The following VSX1 variants were observed in gnomAD, a reference collection of about 807,000 sequenced individuals.
VSX1 encodes the protein homeodomain protein RINX.
In VSX1, 23 loss-of-function variants were observed where a neutral mutation model predicts 23.6. The observed-to-expected ratio is 0.97, with a 90% confidence interval of 0.70 to 1.38. VSX1 has a LOEUF of 1.38. Among genes scored for constraint, VSX1 ranks in the 40% most tolerant of loss-of-function variants. The pLI, the probability that VSX1 is intolerant of heterozygous loss-of-function variation, is 0.00. For synonymous variants in VSX1, 247 were observed against 215.1 expected (o/e 1.15, Z -1.30); for missense variants, 517 against 495.4 (o/e 1.04, Z -0.41).
chr20:25,077,469 C>T (rs2089524205), intron 4 of VSX1, among the ~76,000 whole-genome samples: 1 of 152,228 alleles, frequency 6.6e-6, no homozygotes, highest in East Asian at 1.9e-4. Context: ...GGTGAGACTT[C>T]CACACAGCCT....
chr20:25,077,694 A>C lies in VSX1; in HGVS notation c.799T>G (p.Trp267Gly). 1 of 1,548,500 alleles carries C rather than the reference A, an allele frequency of 6.5e-7. No individual in the cohort carries two copies. Among genetic ancestry groups the C allele is most frequent in the African/African-American group, 1.4e-5 (1 of 73,098 alleles). Reference sequence around the variant, plus strand: ...GGGGGCCCTTCCTTACCCAGGAGCCAGGGCGCGCAGGAGCCCAGCAGGCCG... The same window carrying C: ...GGGGGCCCTTCCTTACCCAGGAGCCCGGGCGCGCAGGAGCCCAGCAGGCCG... Reference protein sequence around the residue: ...EGGLLGSCAPWLLGMHKKSMG... With the variant: ...EGGLLGSCAPGLLGMHKKSMG... The change falls in exon 4 of 5, where the codon TGG becomes GGG. Residue 267 changes from tryptophan (W) to glycine (G), a missense_variant. Trp to Gly is a radical substitution (Grantham distance 184). Coordinates refer to ENST00000376709, the MANE Select transcript of VSX1 (RefSeq NM_014588.6).
Position 25,081,477 on chromosome 20 carries a change from C to G in VSX1, c.424+196G>C, listed in dbSNP as rs745914823. 5.7e-6 allele frequency: 5 copies of G among 878,288 alleles called. No homozygotes were observed. In the East Asian group the frequency reaches 1.2e-4, roughly 21 times the overall value. The allele number at this position is 878,288 out of a possible 1,614,324, so 54.4% of individuals were successfully genotyped here. ...AGGGAACAGGACCCCGGATGAGAGG[C>G]AGGGATTTAGGATGCAGCAAGGGGC... On this transcript the variant is annotated intron_variant, in intron 1 of 4. Coordinates refer to ENST00000376709, the MANE Select transcript of VSX1 (RefSeq NM_014588.6).
At chr20:25,079,225 A>C (rs528011921) in intron 2 of VSX1, among the ~76,000 whole-genome samples, 2 of 152,148 alleles carry the variant, frequency 1.3e-5, no homozygotes, top group African/African-American at 4.8e-5. Flanking sequence ...AAATGCTCCC[A>C]AAAAAATGCT....
chr20:25,077,753 G>A lies in VSX1; in HGVS notation c.740C>T (p.Pro247Leu), dbSNP rs576300014. 2.6e-6 allele frequency: 4 copies of A among 1,550,650 alleles called. No homozygotes were observed. In the South Asian group the frequency reaches 4.8e-5, roughly 18 times the overall value. ...LYGAMVRHCI[P>L]LPDSVLNSAE... ...GGAGTTGAGCACGGAGTCTGGCAGC[G>A]GGATGCAGTGGCGCACCATGGCCCC... Residue 247 changes from proline to leucine, a missense_variant, in exon 4 of 5, where the codon CCG (proline) becomes CTG (leucine). Coordinates refer to ENST00000376709, the MANE Select transcript of VSX1 (RefSeq NM_014588.6).
Position 25,081,683 on chromosome 20 carries a change from GA to G in VSX1, c.413del (p.Val138AlafsTer16). 4.0e-6 allele frequency: 6 copies of G among 1,517,396 alleles called. No homozygotes were observed. The highest frequency in any genetic ancestry group is 5.3e-6 in the Non-Finnish European group (6 of 1,139,538). The allele number at this position is 1,517,396 out of a possible 1,614,324, so 94.0% of individuals were successfully genotyped here. A position where few individuals can be genotyped will look rare whatever the true frequency, so the allele number is the denominator to read the frequency against. ...CGCGGGCCTGATTACCGGACGTGGA[GA>G]CGCTGTCGCTGCGCTTCTGGCGGCC... Reference protein sequence around the residue: ...ALGRQKRSDSVSTSDEDSQSE... With the variant: ...ALGRQKRSDSXSTSDEDSQSE... On this transcript the variant is annotated frameshift_variant, in exon 1 of 5. Transcript: ENST00000376709. LOFTEE classifies it high-confidence loss of function.
rs559185959 is a variant in VSX1, at chr20:25,077,668, C to T, written c.808+17G>A. The T allele has an allele frequency of 1.1e-4, 163 of 1,544,280 alleles. No individual in the cohort carries two copies. In the Middle Eastern group the frequency reaches 3.3e-3, roughly 31 times the overall value. On this transcript the variant is annotated intron_variant, in intron 4 of 4. Coordinates refer to ENST00000376709, the MANE Select transcript of VSX1 (RefSeq NM_014588.6). ...TACAACACCTCGAGCCGTGCGATCCCGGGGGCCCTTCCTTACCCAGGAGCC... is the reference window on the plus strand; with the variant it reads ...TACAACACCTCGAGCCGTGCGATCCTGGGGGCCCTTCCTTACCCAGGAGCC...
At position 25,081,748 on chromosome 20, in the gene VSX1, C is replaced by T. The variant is rs770296491; in HGVS notation, c.349G>A (p.Ala117Thr). 3 of 1,498,828 alleles carry T rather than the reference C, an allele frequency of 2.0e-6. No homozygotes were observed. The highest frequency in any genetic ancestry group is 2.9e-5 in the African/African-American group (2 of 69,474). The allele number at this position is 1,498,828 out of a possible 1,614,324, so 92.8% of individuals were successfully genotyped here. Residue 117 changes from alanine to threonine, a missense_variant, in exon 1 of 5, where the codon GCT becomes ACT. Coordinates refer to ENST00000376709, the MANE Select transcript of VSX1 (RefSeq NM_014588.6). ...PFLPPRGPEPAAPLAPSRPPP... is the reference protein window; with the variant it reads ...PFLPPRGPEPTAPLAPSRPPP... ...GGACGGCTGGGAGCCAGCGGGGCAGCGGGCTCGGGGCCCCTGGGCGGCAGG... is the reference window on the plus strand; with the variant it reads ...GGACGGCTGGGAGCCAGCGGGGCAGTGGGCTCGGGGCCCCTGGGCGGCAGG...
intron 1 of VSX1, 189 bp downstream of exon 1, chr20:25,081,484 T>G: frequency 2.2e-6 from 2 of 894,660 alleles, no homozygotes; most frequent in Non-Finnish European, 3.7e-6. Flanking sequence ...AGGCAGGGAT[T>G]TAGGATGCAG....
Position 25,079,487 on chromosome 20 carries a change from T to C in VSX1, c.452A>G (p.Asn151Ser), listed in dbSNP as rs201716527. Residue 151 changes from asparagine (N) to serine (S), a missense_variant, in exon 2 of 5, where the codon AAT becomes AGT. Asn to Ser is a conservative substitution (Grantham distance 46). Transcript: ENST00000376709. The stretch of plus-strand genomic sequence containing the variant: ...CAAGGTGGGGGATGCCTTTAGGTCA[T>C]TCCTGTCTTCAGACTGGCTGTCCTC... Reference protein sequence around the residue: ...SDEDSQSEDRNDLKASPTLGK... With the variant: ...SDEDSQSEDRSDLKASPTLGK... 341 of 1,612,990 alleles carry C rather than the reference T, an allele frequency of 2.1e-4. 6 individuals are homozygous for C. In the East Asian group the frequency reaches 7.5e-3, roughly 35 times the overall value.
intron 3 of VSX1, 96 bp downstream of exon 3, chr20:25,078,733 T>C: frequency 6.2e-7 from 1 of 1,614,072 alleles, no homozygotes; most frequent in Admixed American, 1.7e-5. Context: ...GGGAGCGTGT[T>C]GGCTATAGAG....
downstream of VSX1, among the ~76,000 whole-genome samples, chr20:25,073,109 C>A (rs943511066): frequency 2.0e-5 from 3 of 152,108 alleles, no homozygotes; most frequent in Non-Finnish European, 4.4e-5. Flanking sequence ...GTGAGAACCA[C>A]GCAGGAGTCA....
Position 25,081,801 on chromosome 20 carries a change from G to T in VSX1, c.296C>A (p.Pro99His). The T allele has an allele frequency of 6.7e-7, 1 of 1,502,730 alleles. No homozygotes were observed. The highest frequency in any genetic ancestry group is 8.8e-7 in the Non-Finnish European group (1 of 1,134,754). The allele number at this position is 1,502,730 out of a possible 1,614,324, so 93.1% of individuals were successfully genotyped here. A position where few individuals can be genotyped will look rare whatever the true frequency, so the allele number is the denominator to read the frequency against. The part of the protein sequence containing the change: ...GTQPPAAARA[P>H]CLLLADVPFL... Reference sequence around the variant, plus strand: ...CGGCACGTCCGCTAGGAGCAGGCAGGGTGCTCGAGCGGCCGCCGGCGGCTG... The same window carrying T: ...CGGCACGTCCGCTAGGAGCAGGCAGTGTGCTCGAGCGGCCGCCGGCGGCTG... Residue 99 changes from proline to histidine, a missense_variant, in exon 1 of 5, where the codon CCC (proline) becomes CAC (histidine). By Grantham distance (77) the Pro-to-His change is moderately conservative. Coordinates refer to ENST00000376709, the MANE Select transcript of VSX1 (RefSeq NM_014588.6).
At chr20:25,079,051 G>A in intron 2 of VSX1, 99 bp from the exon 3 acceptor site, 1 of 1,409,988 alleles carries the variant, frequency 7.1e-7, no homozygotes, top group Non-Finnish European at 9.9e-7. Context: ...CTGCTGTCCA[G>A]ACCCTAGAAG....
chr20:25,073,344 A>AT (rs1250856631), downstream of VSX1, among the ~76,000 whole-genome samples: 1 of 152,072 alleles, frequency 6.6e-6, no homozygotes, highest in African/African-American at 2.4e-5. Context: ...TGTTATGAAT[A>AT]TTTTTTAAAA....
chr20:25,078,030 G>C, intron 3 of VSX1, 165 bp from the exon 4 acceptor site: 1 of 954,640 alleles, frequency 1.0e-6, no homozygotes. Flanking sequence ...CGCCCTCAGG[G>C]AGAGCGCCCA....
chr20:25,072,999 CTG>C (rs1206768762), downstream of VSX1, among the ~76,000 whole-genome samples: 1 of 152,188 alleles, frequency 6.6e-6, no homozygotes, highest in Non-Finnish European at 1.5e-5. Flanking sequence ...TGCTGTCAGT[CTG>C]TAGCCAGATT....
chr20:25,079,483 G>T lies in VSX1; in HGVS notation c.456C>A (p.Asp152Glu). 8 of 1,612,932 alleles carry T rather than the reference G, an allele frequency of 5.0e-6. No individual in the cohort carries two copies. The highest frequency in any genetic ancestry group is 6.8e-6 in the Non-Finnish European group (8 of 1,179,692). ...TGCCCAAGGTGGGGGATGCCTTTAGGTCATTCCTGTCTTCAGACTGGCTGT... is the reference window on the plus strand; with the variant it reads ...TGCCCAAGGTGGGGGATGCCTTTAGTTCATTCCTGTCTTCAGACTGGCTGT... Reference protein sequence around the residue: ...DEDSQSEDRNDLKASPTLGKR... With the variant: ...DEDSQSEDRNELKASPTLGKR... The change falls in exon 2 of 5, where the codon GAC becomes GAA. Residue 152 changes from aspartate (D) to glutamate (E), a missense_variant. Coordinates refer to ENST00000376709, the MANE Select transcript of VSX1 (RefSeq NM_014588.6).
chr20:25,074,509 T>C (rs908843499), downstream of VSX1, among the ~76,000 whole-genome samples: 2 of 152,244 alleles, frequency 1.3e-5, no homozygotes, highest in East Asian at 3.8e-4. Flanking sequence ...ATTTGTCCAC[T>C]ACTTGTATAT....
downstream of VSX1, chr20:25,071,583 T>C (rs2122829014): frequency 2.1e-6 from 1 of 483,162 alleles, no homozygotes; most frequent in Non-Finnish European, 4.1e-6. Context: ...TAATCTTGAG[T>C]AGAAGCAGTT....
Sources: allele counts gnomAD v4.1 joint callset (sites outside exome capture counted in the v4.1 genomes callset), GRCh38; gene constraint gnomAD v4.1.1; transcripts MANE v1.5; gene names NCBI Gene and HGNC (gene_info 2026-07-23, HGNC 2026-07-21).